The following PLD5 variants were observed in gnomAD, a reference collection of about 807,000 sequenced individuals.
PLD5 encodes the protein phospholipase D family member 5, also known as inactive phospholipase D5.
Under a neutral mutation model 61.1 loss-of-function variants are expected in PLD5, and 36 were observed. The ratio of observed to expected loss-of-function variants is 0.59; its 90% CI spans 0.45 to 0.78. The LOEUF (loss-of-function observed/expected upper bound fraction) is 0.78, where lower values mean the gene tolerates loss of function less well. PLD5 is among the 30% of genes least tolerant of loss of function. PLD5 has a pLI of 0.00. For synonymous variants in PLD5, 243 were observed against 242.8 expected (o/e 1.00, Z -0.01); for missense variants, 515 against 644.4 (o/e 0.80, Z 2.17).
At chr1:242,190,830 A>G (rs1365837013) in intron 5 of PLD5, among the ~76,000 whole-genome samples, 2 of 152,220 alleles carry the variant, frequency 1.3e-5, no homozygotes, top group East Asian at 3.8e-4. Flanking sequence ...TTAAACGTCA[A>G]TTGTGTTAGT....
At chr1:242,356,712 AC>A (rs1304331872) in intron 1 of PLD5, among the ~76,000 whole-genome samples, 1 of 151,502 alleles carries the variant, frequency 6.6e-6, no homozygotes, top group East Asian at 1.9e-4. Flanking sequence ...ATGTTTTTTC[AC>A]TTTTTGGTTA....
At chr1:242,421,800 T>G (rs945730820) in intron 1 of PLD5, among the ~76,000 whole-genome samples, 1 of 152,206 alleles carries the variant, frequency 6.6e-6, no homozygotes, top group East Asian at 1.9e-4. Context: ...TCAGTAAATT[T>G]AAATATATTA....
chr1:242,174,780 T>C (rs1274491172), intron 5 of PLD5, among the ~76,000 whole-genome samples: 1 of 152,000 alleles, frequency 6.6e-6, no homozygotes, highest in Non-Finnish European at 1.5e-5. Flanking sequence ...ACCATCATTC[T>C]CAGCAAACTA....
intron 2 of PLD5, among the ~76,000 whole-genome samples, chr1:242,303,456 G>A (rs1676176862): frequency 6.6e-6 from 1 of 152,202 alleles, no homozygotes; most frequent in African/African-American, 2.4e-5. Context: ...CACATTAAAA[G>A]TATTTCTAAA....
intron 5 of PLD5, among the ~76,000 whole-genome samples, chr1:242,163,147 C>CTTTTTTTT (rs147011306): frequency 2.1e-5 from 3 of 142,004 alleles, no homozygotes; most frequent in African/African-American, 2.7e-5. Context: ...CTTTTCTTTT[C>CTTTTTTTT]TTTCTTTTCT....
chr1:242,390,729 T>C (rs1558520817), intron 1 of PLD5, among the ~76,000 whole-genome samples: 1 of 152,120 alleles, frequency 6.6e-6, no homozygotes, highest in Non-Finnish European at 1.5e-5. Context: ...CAGTCCCTGA[T>C]CAGACCCACT....
intron 1 of PLD5, among the ~76,000 whole-genome samples, chr1:242,504,095 C>A (rs1468612081): frequency 2.6e-5 from 4 of 151,924 alleles, no homozygotes; most frequent in Non-Finnish European, 4.4e-5. Context: ...CCTGTCATTT[C>A]TTCTCTCATA....
intron 8 of PLD5, among the ~76,000 whole-genome samples, chr1:242,105,817 T>TAG (rs60774620): frequency 6.6e-6 from 1 of 151,890 alleles, no homozygotes; most frequent in Non-Finnish European, 1.5e-5. Flanking sequence ...ACTCTATCAT[T>TAG]AGAGAGAGAG....
At chr1:242,418,672 C>T (rs2149295975) in intron 1 of PLD5, among the ~76,000 whole-genome samples, 1 of 152,242 alleles carries the variant, frequency 6.6e-6, no homozygotes, top group Non-Finnish European at 1.5e-5. Context: ...AGTGAAGTGG[C>T]AACTGAGAAC....
chr1:242,228,181 A>G (rs1407882192), intron 4 of PLD5, among the ~76,000 whole-genome samples: 1 of 152,230 alleles, frequency 6.6e-6, no homozygotes, highest in Non-Finnish European at 1.5e-5. Flanking sequence ...GAAGAATTTA[A>G]TTCCAGTGAA....
intron 2 of PLD5, among the ~76,000 whole-genome samples, chr1:242,336,909 G>A (rs1462838359): frequency 6.6e-6 from 1 of 152,126 alleles, no homozygotes; most frequent in Non-Finnish European, 1.5e-5. Context: ...TCTCTGTTTT[G>A]GTCAAACAAG....
At chr1:242,434,475 C>T (rs751231258) in intron 1 of PLD5, among the ~76,000 whole-genome samples, 1 of 152,076 alleles carries the variant, frequency 6.6e-6, no homozygotes, top group Non-Finnish European at 1.5e-5. Flanking sequence ...GCTATAGATA[C>T]AGGAGTCAGG....
chr1:242,457,340 A>G (rs1252822923), intron 1 of PLD5, among the ~76,000 whole-genome samples: 1 of 152,212 alleles, frequency 6.6e-6, no homozygotes, highest in African/African-American at 2.4e-5. Context: ...CCCCTCACAT[A>G]CAACTAAACT....
intron 1 of PLD5, among the ~76,000 whole-genome samples, chr1:242,459,508 C>T (rs1015284168): frequency 1.3e-4 from 20 of 152,128 alleles, no homozygotes; most frequent in African/African-American, 4.8e-4. Context: ...TTCTTCAATC[C>T]AATTGTGATC....
intron 1 of PLD5, among the ~76,000 whole-genome samples, chr1:242,475,422 C>CAAAAA (rs5782239): frequency 9.0e-4 from 82 of 91,404 alleles, no homozygotes; most frequent in African/African-American, 2.6e-3. Flanking sequence ...GACTCCGTCT[C>CAAAAA]AAAAAAAAAA....
intron 5 of PLD5, among the ~76,000 whole-genome samples, chr1:242,208,024 A>ACACACACG (rs58601734): frequency 1.4e-5 from 2 of 141,504 alleles, no homozygotes; most frequent in Non-Finnish European, 3.0e-5. Flanking sequence ...ACACACACAC[A>ACACACACG]TACATATATG....
intron 1 of PLD5, among the ~76,000 whole-genome samples, chr1:242,517,918 C>A (rs1669157072): frequency 6.6e-6 from 1 of 152,040 alleles, no homozygotes; most frequent in Non-Finnish European, 1.5e-5. Context: ...CAATGAGTCC[C>A]ATCCTCTCAA....
chr1:242,457,524 T>C (rs1666980516), intron 1 of PLD5, among the ~76,000 whole-genome samples: 1 of 152,200 alleles, frequency 6.6e-6, no homozygotes, highest in African/African-American at 2.4e-5. Context: ...GTTATGCTTG[T>C]GTTTCCCCAG....
chr1:242,516,250 T>TTTTATA (rs1253189390), intron 1 of PLD5, among the ~76,000 whole-genome samples: 1 of 138,618 alleles, frequency 7.2e-6, no homozygotes, highest in South Asian at 2.4e-4. Flanking sequence ...TAAAGTTAAA[T>TTTTATA]TATATATATA....
Sources: gnomAD v4.1 joint callset for allele counts (sites outside exome capture counted in the v4.1 genomes callset) on GRCh38, gnomAD v4.1.1 for gene constraint, MANE v1.5 for transcripts, NCBI Gene and HGNC (gene_info 2026-07-23, HGNC 2026-07-21) for gene names.